The following SAMD5 variants were observed in gnomAD, a reference collection of about 807,000 sequenced individuals.
SAMD5 encodes sterile alpha motif domain-containing protein 5.
In SAMD5, 13 loss-of-function variants were observed where a neutral mutation model predicts 11.3. That is an observed-to-expected ratio of 1.15 (90% CI 0.75 to 1.83). The LOEUF (loss-of-function observed/expected upper bound fraction) is 1.83, where lower values mean the gene tolerates loss of function less well. Ranked by LOEUF, SAMD5 falls within the 40% of genes most tolerant of loss-of-function variation. The pLI, the probability that SAMD5 is intolerant of heterozygous loss-of-function variation, is 0.00. For missense variants in SAMD5, 255 were observed against 239.1 expected (o/e 1.07, Z -0.44); for synonymous variants, 129 against 111.3 (o/e 1.16, Z -1.00).
intron 1 of SAMD5, among the ~76,000 whole-genome samples, chr6:147,557,971 A>G (rs1583081897): frequency 1.3e-5 from 2 of 152,248 alleles, no homozygotes; most frequent in South Asian, 4.2e-4. Flanking sequence ...TGATTATGTA[A>G]AAGTGTACGT....
chr6:147,954,360 A>G, the SAMD5 span, among the ~76,000 whole-genome samples: 1 of 152,230 alleles, frequency 6.6e-6, no homozygotes, highest in South Asian at 2.1e-4. Context: ...TTGATCAGCA[A>G]TGGACCACAT....
At position 147,515,814 on chromosome 6, in the gene SAMD5, A is replaced by G. The variant is rs113249485; in HGVS notation, c.459+6427A>G. ...AACATGAAGGATTGGAGGATGTTGC[A>G]CTTGAGTTTATTTCAAATGTTTAAA... On this transcript the variant is annotated intron_variant, in intron 1 of 1. Coordinates refer to ENST00000367474, the MANE Select transcript of SAMD5 (RefSeq NM_001030060.3). Among the ~76,000 whole-genome samples, 265 of 152,314 alleles carry G rather than the reference A, an allele frequency of 1.7e-3. 1 individual carries two copies. Among genetic ancestry groups the G allele is most frequent in the African/African-American group, 6.0e-3 (249 of 41,564 alleles).
At chr6:147,727,551 A>G (rs992778882) in intron 1 of SAMD5, among the ~76,000 whole-genome samples, 2 of 152,186 alleles carry the variant, frequency 1.3e-5, no homozygotes, top group Non-Finnish European at 2.9e-5. Flanking sequence ...TTATTAGCCA[A>G]TGAATGTGGA....
At chr6:147,536,749 T>G (rs902102596) in intron 1 of SAMD5, among the ~76,000 whole-genome samples, 1 of 152,122 alleles carries the variant, frequency 6.6e-6, no homozygotes, top group African/African-American at 2.4e-5. Context: ...TTATTGATAA[T>G]GTACACTAAA....
At chr6:147,820,529 G>A in the SAMD5 span, among the ~76,000 whole-genome samples, 1 of 152,152 alleles carries the variant, frequency 6.6e-6, no homozygotes, top group African/African-American at 2.4e-5. Flanking sequence ...AAATGCAAAT[G>A]GTAATGAGGC....
chr6:147,810,460 A>T, the SAMD5 span, among the ~76,000 whole-genome samples: 1 of 152,184 alleles, frequency 6.6e-6, no homozygotes, highest in South Asian at 2.1e-4. Context: ...CCAGTGAGGC[A>T]GCACAATTGT....
the SAMD5 span, among the ~76,000 whole-genome samples, chr6:147,870,474 G>GTA: frequency 0.29 from 38,675 of 135,612 alleles, 5,914 homozygotes; most frequent in East Asian, 0.41. Flanking sequence ...GTGTGTGTGT[G>GTA]TGTGTGTGTA....
downstream of SAMD5, among the ~76,000 whole-genome samples, chr6:147,738,204 G>A (rs569438790): frequency 5.6e-4 from 85 of 152,300 alleles, no homozygotes; most frequent in African/African-American, 1.9e-3. Context: ...ATATATGGTA[G>A]TGGTGCAGGA....
chr6:147,688,448 G>C (rs548158306), intron 1 of SAMD5, among the ~76,000 whole-genome samples: 1 of 152,168 alleles, frequency 6.6e-6, no homozygotes, highest in Admixed American at 6.5e-5. Context: ...TTAGGATAAA[G>C]GAGATTGCTT....
At chr6:147,803,458 G>T in the SAMD5 span, among the ~76,000 whole-genome samples, 13 of 152,110 alleles carry the variant, frequency 8.5e-5, no homozygotes, top group Non-Finnish European at 1.5e-4. Flanking sequence ...TCATGCTGAA[G>T]ACTTATTCTA....
At chr6:147,611,570 CAAAT>C (rs372827158) in intron 1 of SAMD5, among the ~76,000 whole-genome samples, 2 of 151,938 alleles carry the variant, frequency 1.3e-5, no homozygotes, top group African/African-American at 4.8e-5. Context: ...CTCTTAAAAT[CAAAT>C]AAATAAATAA....
downstream of SAMD5, among the ~76,000 whole-genome samples, chr6:147,740,978 A>G (rs1007890582): frequency 6.6e-6 from 1 of 152,190 alleles, no homozygotes; most frequent in African/African-American, 2.4e-5. Context: ...TTCAAAATTG[A>G]CTGTGTTAAG....
chr6:147,783,297 C>T, the SAMD5 span, among the ~76,000 whole-genome samples: 1 of 151,302 alleles, frequency 6.6e-6, no homozygotes, highest in Non-Finnish European at 1.5e-5. Flanking sequence ...TATACGAGAA[C>T]ATCAACCAGC....
chr6:147,782,719 A>G, the SAMD5 span, among the ~76,000 whole-genome samples: 16,332 of 152,258 alleles, frequency 0.11, 1,115 homozygotes, highest in East Asian at 0.34. Flanking sequence ...GACTTCCTGG[A>G]GCTTAAAGAA....
chr6:147,612,958 G>T (rs977630795), intron 1 of SAMD5, among the ~76,000 whole-genome samples: 6 of 152,056 alleles, frequency 3.9e-5, no homozygotes, highest in African/African-American at 1.4e-4. Flanking sequence ...CAGCACTTTG[G>T]GAGGCCTAGG....
At chr6:147,597,015 G>GCC (rs1789541183) in intron 1 of SAMD5, among the ~76,000 whole-genome samples, 1 of 152,142 alleles carries the variant, frequency 6.6e-6, no homozygotes, top group African/African-American at 2.4e-5. Flanking sequence ...ATGGTTCTGG[G>GCC]TTATGGTGGG....
the SAMD5 span, among the ~76,000 whole-genome samples, chr6:147,884,960 G>A: frequency 6.6e-6 from 1 of 152,230 alleles, no homozygotes; most frequent in Admixed American, 6.5e-5. Context: ...ATCTCAGACA[G>A]TGTAGCTTCC....
At chr6:147,546,830 C>A (rs1220578324) in intron 1 of SAMD5, among the ~76,000 whole-genome samples, 2 of 152,176 alleles carry the variant, frequency 1.3e-5, no homozygotes, top group African/African-American at 4.8e-5. Context: ...TATCCCCATT[C>A]CCTTCTGCCC....
intron 1 of SAMD5, among the ~76,000 whole-genome samples, chr6:147,691,248 CCTT>C (rs1791099248): frequency 6.6e-6 from 1 of 152,160 alleles, no homozygotes; most frequent in African/African-American, 2.4e-5. Context: ...CCTGCCTCGG[CCTT>C]CCAAAGTGCT....
Sources: gnomAD v4.1 joint callset for allele counts (sites outside exome capture counted in the v4.1 genomes callset) on GRCh38, gnomAD v4.1.1 for gene constraint, MANE v1.5 for transcripts, NCBI Gene and HGNC (gene_info 2026-07-23, HGNC 2026-07-21) for gene names.